Variants in AGAP1 observed in about 807,000 individuals in gnomAD.
AGAP1 encodes arf-GAP with GTPase, ANK repeat and PH domain-containing protein 1.
Under a neutral mutation model 105.3 loss-of-function variants are expected in AGAP1, and 29 were observed. The observed-to-expected ratio is 0.28, with a 90% CI of 0.21 to 0.38. The LOEUF is 0.38. Among genes scored for constraint, AGAP1 ranks in the 10% least tolerant of loss-of-function variants. The pLI is 1.00. For synonymous variants in AGAP1, 509 were observed against 485.9 expected (o/e 1.05, Z -0.63); for missense variants, 998 against 1,165.1 (o/e 0.86, Z 2.09).
At chr2:235,878,817 A>G (rs1041963413) in intron 9 of AGAP1, among the ~76,000 whole-genome samples, 5 of 152,212 alleles carry the variant, frequency 3.3e-5, no homozygotes, top group African/African-American at 1.2e-4. Context: ...TGTGGGGTGC[A>G]GCGGGAAGAT....
At chr2:235,580,873 T>G (rs942912530) in intron 1 of AGAP1, among the ~76,000 whole-genome samples, 17 of 152,178 alleles carry the variant, frequency 1.1e-4, no homozygotes, top group African/African-American at 3.4e-4. Context: ...GGGTTCTTGC[T>G]CTCGACCTTA....
In AGAP1 at chr2:236,050,458, G is replaced by A. The variant is rs2057863051; in HGVS notation, c.2114+1177G>A. 6.6e-6 allele frequency among the ~76,000 whole-genome samples: 1 copy of A among 152,210 alleles called. No individual in the cohort carries two copies. Among genetic ancestry groups the A allele is most frequent in the African/African-American group, 2.4e-5 (1 of 41,456 alleles). On this transcript the variant is annotated intron_variant, in intron 16 of 17. Coordinates refer to ENST00000304032, the MANE Select transcript of AGAP1 (RefSeq NM_001037131.3). The surrounding 1 kb of genome is among the most constrained non-coding windows in gnomAD (Gnocchi z 4.0). ...CTCTTTATGAGTTATGCTCTATAGTGTAGACAGGGGTAAGTTTCTTACAAA... is the reference window on the plus strand; with the variant it reads ...CTCTTTATGAGTTATGCTCTATAGTATAGACAGGGGTAAGTTTCTTACAAA...
chr2:235,609,652 C>T lies in AGAP1; in HGVS notation c.164-99527C>T, dbSNP rs1185849175. On this transcript the variant is annotated intron_variant, in intron 1 of 17. Coordinates refer to ENST00000304032, the MANE Select transcript of AGAP1 (RefSeq NM_001037131.3). The surrounding 1 kb of genome is among the most constrained non-coding windows in gnomAD (Gnocchi z 5.1). ...TGTCTCAGTGCTCTGGGGTCCCGTG[C>T]TGAGGGAGCATCCTTATGGTAAACG... Among the ~76,000 whole-genome samples, 1 of 152,082 alleles carries T rather than the reference C, an allele frequency of 6.6e-6. No homozygotes were observed. Among genetic ancestry groups the T allele is most frequent in the Non-Finnish European group, 1.5e-5 (1 of 68,018 alleles).
chr2:236,016,381 C>CTTTTTTTTTTT (rs151088125), intron 13 of AGAP1, among the ~76,000 whole-genome samples: 11 of 114,670 alleles, frequency 9.6e-5, no homozygotes, highest in Non-Finnish European at 1.4e-4. Flanking sequence ...GTTGGGTTTG[C>CTTTTTTTTTTT]TTTTTTTTTT....
In AGAP1 at chr2:235,906,541, A is replaced by C. The variant is rs548256916; in HGVS notation, c.1156-2197A>C. Reference sequence around the variant, plus strand: ...CGCCAGTGTGGCTGTGCCCTCATGTAAAGAGGTTCTCCTCCCGCCCGTCCT... The same window carrying C: ...CGCCAGTGTGGCTGTGCCCTCATGTCAAGAGGTTCTCCTCCCGCCCGTCCT... On this transcript the variant is annotated intron_variant, in intron 10 of 17. Transcript: ENST00000304032. This position sits in a 1 kb window ranked among gnomAD's most constrained non-coding sequence, Gnocchi z 5.3. Among the ~76,000 whole-genome samples the C allele has an allele frequency of 1.1e-3, 161 of 152,176 alleles. 1 individual carries two copies. The highest frequency in any genetic ancestry group is 3.8e-3 in the African/African-American group (157 of 41,522).
chr2:235,888,963 T>C lies in AGAP1; in HGVS notation c.1155+5514T>C, dbSNP rs775933498. ...AAAACTCTGGGTGAGGGTTTTTCAATGTCTTCATTAGATGCCCTTAGGAAA... is the reference window on the plus strand; with the variant it reads ...AAAACTCTGGGTGAGGGTTTTTCAACGTCTTCATTAGATGCCCTTAGGAAA... On this transcript the variant is annotated intron_variant, in intron 10 of 17. Coordinates refer to ENST00000304032, the MANE Select transcript of AGAP1 (RefSeq NM_001037131.3). This position sits in a 1 kb window ranked among gnomAD's most constrained non-coding sequence, Gnocchi z 4.8. Among the ~76,000 whole-genome samples, 1 of 152,208 alleles carries C rather than the reference T, an allele frequency of 6.6e-6. No homozygotes were observed. Among genetic ancestry groups the C allele is most frequent in the Non-Finnish European group, 1.5e-5 (1 of 68,036 alleles).
rs1333383722 is a variant in AGAP1, at chr2:235,788,241, A to C, written c.674-9518A>C. 6.6e-6 allele frequency among the ~76,000 whole-genome samples: 1 copy of C among 152,220 alleles called. No individual in the cohort carries two copies. ...CAGCCGGAGACACAGGGTTCCAGACACAGCTTAATTCCTTCACGCTGGAGT... is the reference window on the plus strand; with the variant it reads ...CAGCCGGAGACACAGGGTTCCAGACCCAGCTTAATTCCTTCACGCTGGAGT... On this transcript the variant is annotated intron_variant, in intron 6 of 17. Coordinates refer to ENST00000304032, the MANE Select transcript of AGAP1 (RefSeq NM_001037131.3). The surrounding 1 kb of genome is among the most constrained non-coding windows in gnomAD (Gnocchi z 6.0).
chr2:235,731,933 A>C (rs2149612744), intron 3 of AGAP1, among the ~76,000 whole-genome samples: 1 of 152,246 alleles, frequency 6.6e-6, no homozygotes, highest in Middle Eastern at 3.4e-3. Context: ...ACTTCACCCC[A>C]AAGTGCGCAG....
At chr2:235,534,204 A>T (rs1434446300) in intron 1 of AGAP1, among the ~76,000 whole-genome samples, 4 of 152,182 alleles carry the variant, frequency 2.6e-5, no homozygotes, top group African/African-American at 9.6e-5. Flanking sequence ...AGGGCTTGCC[A>T]GATGGTCGGT....
chr2:235,540,148 C>CTTTTT lies in AGAP1; in HGVS notation c.163+45315_163+45319dup, dbSNP rs535395155. 5.4e-5 allele frequency among the ~76,000 whole-genome samples: 7 copies of CTTTTT among 129,104 alleles called. 1 individual carries two copies. Among genetic ancestry groups the CTTTTT allele is most frequent in the African/African-American group, 1.5e-4 (5 of 33,688 alleles). 84.7% of individuals were successfully genotyped at this position (129,104 alleles called of 152,430 possible). ...TTTTTTCTCTCCCTCCCTCTCTCCT[C>CTTTTT]TTTTTTTTTTTTTTTTTTTTGAGAC... On this transcript the variant is annotated intron_variant, in intron 1 of 17. Coordinates refer to ENST00000304032, the MANE Select transcript of AGAP1 (RefSeq NM_001037131.3).
Position 235,621,410 on chromosome 2 carries a change from G to C in AGAP1, c.164-87769G>C, listed in dbSNP as rs529292939. Among the ~76,000 whole-genome samples the C allele has an allele frequency of 6.6e-6, 1 of 152,294 alleles. No individual in the cohort carries two copies. The highest frequency in any genetic ancestry group is 2.1e-4 in the South Asian group (1 of 4,816). ...AGTCTCTACCTCCCAGAGTGGTTGG[G>C]GTTACGTGAAGTAAGCTTAGACACG... On this transcript the variant is annotated intron_variant, in intron 1 of 17. Coordinates refer to ENST00000304032, the MANE Select transcript of AGAP1 (RefSeq NM_001037131.3). This position sits in a 1 kb window ranked among gnomAD's most constrained non-coding sequence, Gnocchi z 4.1.
intron 1 of AGAP1, among the ~76,000 whole-genome samples, chr2:235,590,361 C>T (rs1400581406): frequency 2.6e-5 from 4 of 152,118 alleles, no homozygotes; most frequent in African/African-American, 9.7e-5. Flanking sequence ...ATGCCAGATG[C>T]CAAGTTGACC....
At chr2:235,816,763 C>T (rs565485310) in intron 9 of AGAP1, among the ~76,000 whole-genome samples, 1 of 151,616 alleles carries the variant, frequency 6.6e-6, no homozygotes, top group South Asian at 2.1e-4. Flanking sequence ...TGGTGGTGTG[C>T]ACCTGTAATC....
chr2:235,533,580 T>G (rs1943113104), intron 1 of AGAP1, among the ~76,000 whole-genome samples: 1 of 152,208 alleles, frequency 6.6e-6, no homozygotes. Context: ...ATTAAACACA[T>G]GGCAAGCATC....
chr2:235,495,210 C>T (rs1941263641), intron 1 of AGAP1, among the ~76,000 whole-genome samples: 1 of 152,034 alleles, frequency 6.6e-6, no homozygotes, highest in African/African-American at 2.4e-5. Flanking sequence ...TGACAGGTTA[C>T]CAGGCCAGGC....
rs575850228 is a variant in AGAP1, at chr2:236,123,230, G to C, written c.2371-689G>C. ...CTGGGACCACAGGCATATGCCACGT[G>C]CCCAGCTAATTTTTTTAAAATGTGT... On this transcript the variant is annotated intron_variant, in intron 17 of 17. Coordinates refer to ENST00000304032, the MANE Select transcript of AGAP1 (RefSeq NM_001037131.3). This position sits in a 1 kb window ranked among gnomAD's most constrained non-coding sequence, Gnocchi z 4.6. 2.4e-3 allele frequency among the ~76,000 whole-genome samples: 371 copies of C among 152,178 alleles called. 1 individual carries two copies. Among genetic ancestry groups the C allele is most frequent in the Non-Finnish European group, 4.1e-3 (281 of 67,986 alleles).
intron 16 of AGAP1, among the ~76,000 whole-genome samples, chr2:236,085,789 A>G (rs927101546): frequency 6.6e-6 from 1 of 152,244 alleles, no homozygotes; most frequent in Non-Finnish European, 1.5e-5. Flanking sequence ...GCCTGGCTCC[A>G]TGGGCCGCCT....
chr2:235,514,183 C>CACACAT (rs1559214963), intron 1 of AGAP1, among the ~76,000 whole-genome samples: 2 of 148,454 alleles, frequency 1.3e-5, no homozygotes, highest in African/African-American at 4.9e-5. Context: ...CACACACACA[C>CACACAT]ATACCTCCTC....
In AGAP1 at chr2:235,970,198, T is replaced by A. The variant is rs1339945306; in HGVS notation, c.1645+1575T>A. ...GCCTGGGCGGGCGACAGAGTGAGAC[T>A]CTGTCTTTAAAAAAAAAAAAAAAAA... On this transcript the variant is annotated intron_variant, in intron 13 of 17. Coordinates refer to ENST00000304032, the MANE Select transcript of AGAP1 (RefSeq NM_001037131.3). This position sits in a 1 kb window ranked among gnomAD's most constrained non-coding sequence, Gnocchi z 5.4. Among the ~76,000 whole-genome samples the A allele has an allele frequency of 2.4e-5, 3 of 126,292 alleles. No homozygotes were observed. The highest frequency in any genetic ancestry group is 9.2e-5 in the African/African-American group (3 of 32,484). 82.9% of individuals were successfully genotyped at this position (126,292 alleles called of 152,430 possible). A position where few individuals can be genotyped will look rare whatever the true frequency, so the allele number is the denominator to read the frequency against.
Sources: gnomAD v4.1 joint callset for allele counts (sites outside exome capture counted in the v4.1 genomes callset) on GRCh38, gnomAD v4.1.1 for gene constraint, Gnocchi (gnomAD v3.1) non-coding constraint, MANE v1.5 for transcripts, NCBI Gene and HGNC (gene_info 2026-07-23, HGNC 2026-07-21) for gene names.